Variants in SNRNP25 observed in about 807,000 individuals in gnomAD.
SNRNP25 encodes small nuclear ribonucleoprotein U11/U12 subunit 25, also known as U11/U12 small nuclear ribonucleoprotein 25 kDa protein.
A neutral mutation model predicts 23.9 loss-of-function variants in SNRNP25; 21 were observed. The ratio of observed to expected loss-of-function variants is 0.88; its 90% CI spans 0.62 to 1.27. SNRNP25 has a LOEUF of 1.27. Among genes scored for constraint, SNRNP25 ranks in the 50% most tolerant of loss-of-function variants. The pLI, the probability that SNRNP25 is intolerant of heterozygous loss-of-function variation, is 0.00. For missense variants in SNRNP25, 160 were observed against 156.9 expected (o/e 1.02, Z -0.11); for synonymous variants, 63 against 60.4 (o/e 1.04, Z -0.20).
chr16:55,257 T>A (rs535430670), intron 1 of SNRNP25: 1 of 532,206 alleles, frequency 1.9e-6, no homozygotes, highest in Non-Finnish European at 3.4e-6. Flanking sequence ...AGAGACTCTG[T>A]CCACTATGGA....
chr16:54,539 C>T (rs986330401), intron 1 of SNRNP25, among the ~76,000 whole-genome samples: 1 of 151,972 alleles, frequency 6.6e-6, no homozygotes, highest in Non-Finnish European at 1.5e-5. Flanking sequence ...GTGAGCCACC[C>T]GCCTGGCCTG....
chr16:55,586 C>T, intron 2 of SNRNP25, 37 bp downstream of exon 2: 3 of 1,607,398 alleles, frequency 1.9e-6, no homozygotes, highest in Non-Finnish European at 2.6e-6. Context: ...TTATGTGGTC[C>T]AGGCTTTCAC....
chr16:56,657 G>C, intron 4 of SNRNP25, 44 bp downstream of exon 4: 1 of 1,603,208 alleles, frequency 6.2e-7, no homozygotes, highest in Non-Finnish European at 8.5e-7. Flanking sequence ...CCGCTGTTCT[G>C]TTGCCCCTTA....
chr16:56,227 A>G, intron 3 of SNRNP25: 2 of 683,618 alleles, frequency 2.9e-6, no homozygotes, highest in Non-Finnish European at 5.5e-6. Flanking sequence ...AGGGGCTCCC[A>G]TCCCCTTCTC....
Position 57,245 on chromosome 16 carries a change from T to A in SNRNP25, c.*102T>A. The A allele has an allele frequency of 7.7e-7, 1 of 1,300,024 alleles. No homozygotes were observed. Among genetic ancestry groups the A allele is most frequent in the Non-Finnish European group, 1.1e-6 (1 of 898,562 alleles). 80.5% of individuals were successfully genotyped at this position (1,300,024 alleles called of 1,614,324 possible). On this transcript the variant is annotated 3_prime_UTR_variant, in exon 5 of 5. Transcript: ENST00000293861. ...TGCCTCTTTCACAGAAAGGACGTTG[T>A]GGTGGCCTCACCCCAGGCATGCCCA...
At chr16:56,496 C>A in intron 3 of SNRNP25, 43 bp from the exon 4 acceptor site, 1 of 1,602,624 alleles carries the variant, frequency 6.2e-7, no homozygotes, top group Non-Finnish European at 8.5e-7. Flanking sequence ...ACTCAGCTCA[C>A]CCTGCTCAGG....
chr16:56,410 G>T, intron 3 of SNRNP25, 129 bp from the exon 4 acceptor site: 1 of 852,322 alleles, frequency 1.2e-6, no homozygotes, highest in Non-Finnish European at 2.0e-6. Context: ...ACATTGTACA[G>T]AACAGCCCAG....
chr16:53,853 C>T lies in SNRNP25; in HGVS notation c.-164C>T, dbSNP rs960981853. The stretch of plus-strand genomic sequence containing the variant: ...GCAGTTCCTGCGCGTGCGCGCTTGG[C>T]CTCCCTAGTGCGGGCTGGCAGTGCG... On this transcript the variant is annotated 5_prime_UTR_variant, in exon 1 of 5. Coordinates refer to ENST00000293861, the MANE Select transcript of SNRNP25 (RefSeq NM_024571.4). The T allele has an allele frequency of 8.4e-6, 12 of 1,431,616 alleles. No individual in the cohort carries two copies. The Admixed American group carries it at 1.5e-4, about 18-fold the overall frequency. 88.7% of individuals were successfully genotyped at this position (1,431,616 alleles called of 1,614,324 possible).
intron 1 of SNRNP25, 109 bp from the exon 2 acceptor site, chr16:55,350 C>T: frequency 2.2e-6 from 2 of 928,732 alleles, no homozygotes; most frequent in Non-Finnish European, 3.5e-6. Flanking sequence ...CTTCCTTGCC[C>T]TTCGTAAAAT....
Position 57,112 on chromosome 16 carries a change from T to C in SNRNP25, c.341T>C (p.Val114Ala). Residue 114 changes from valine (V) to alanine (A), a missense_variant, in exon 5 of 5, where the codon GTT (valine) becomes GCT (alanine). By Grantham distance (64) the Val-to-Ala change is moderately conservative. Transcript: ENST00000293861. ...RDYGIRNRDE[V>A]SFIKKLRQK The stretch of plus-strand genomic sequence containing the variant: ...TACGGCATCCGGAATCGAGACGAGG[T>C]TTCCTTCATCAAAAAGCTGAGGCAA... 3 of 1,614,024 alleles carry C rather than the reference T, an allele frequency of 1.9e-6. No individual in the cohort carries two copies. The South Asian group carries it at 3.3e-5, about 18-fold the overall frequency.
In SNRNP25 at chr16:55,853, G is replaced by A; in HGVS notation, c.210G>A (p.Glu70=). The change falls in exon 3 of 5, where the codon GAG becomes GAA. Residue 70 remains glutamate (E), a synonymous_variant. Transcript: ENST00000293861. ...AIQRYVQLKQ[E]REGGIQHISW... ...AGAGATACGTGCAGCTCAAGCAGGA[G>A]CGTGAAGGGGGCATTCAGCACATCA... The A allele has an allele frequency of 6.2e-7, 1 of 1,614,160 alleles. No individual in the cohort carries two copies. Among genetic ancestry groups the A allele is most frequent in the Non-Finnish European group, 8.5e-7 (1 of 1,180,022 alleles).
Position 53,993 on chromosome 16 carries a change from G to C in SNRNP25, c.-24G>C. The C allele has an allele frequency of 6.2e-7, 1 of 1,609,754 alleles. No homozygotes were observed. Among genetic ancestry groups the C allele is most frequent in the South Asian group, 1.1e-5 (1 of 90,168 alleles). ...GGCGCTGCCGCACTCCGAGGCCATGGACGTGTTCCAGGAGGGTCTGGCTAT... is the reference window on the plus strand; with the variant it reads ...GGCGCTGCCGCACTCCGAGGCCATGCACGTGTTCCAGGAGGGTCTGGCTAT... On this transcript the variant is annotated 5_prime_UTR_variant, in exon 1 of 5. Coordinates refer to ENST00000293861, the MANE Select transcript of SNRNP25 (RefSeq NM_024571.4).
rs369807955 is a variant in SNRNP25 at position 56,511 on chromosome 16, G to T, written c.240-28G>T. 1.5e-5 allele frequency: 24 copies of T among 1,612,794 alleles called. No homozygotes were observed. The African/African-American group carries it at 3.1e-4, about 21-fold the overall frequency. ...ACTCAGCTCACCCTGCTCAGGGCAC[G>T]TGGTTTACCTGCATTCCCCTCTTGC... On this transcript the variant is annotated intron_variant, in intron 3 of 4. Coordinates refer to ENST00000293861, the MANE Select transcript of SNRNP25 (RefSeq NM_024571.4).
At chr16:55,585 C>A in intron 2 of SNRNP25, 36 bp downstream of exon 2, 1 of 1,608,694 alleles carries the variant, frequency 6.2e-7, no homozygotes, top group South Asian at 1.1e-5. Flanking sequence ...GTTATGTGGT[C>A]CAGGCTTTCA....
At chr16:54,155 G>A in intron 1 of SNRNP25, 97 bp downstream of exon 1, 2 of 1,380,386 alleles carry the variant, frequency 1.4e-6, no homozygotes, top group Non-Finnish European at 2.0e-6. Flanking sequence ...GGAGACTGCG[G>A]CCCAAGGCTG....
In SNRNP25 at chr16:55,517, TCCGA is replaced by T. The variant is rs769594239; in HGVS notation, c.102_105del (p.Arg35CysfsTer8). ...CTAGAATACGGCCAGGCAATGACGG[TCCGA>T]GTGTGCAAGATGGATGGAGAAGTAA... On this transcript the variant is annotated frameshift_variant, in exon 2 of 5. Transcript: ENST00000293861. LOFTEE classifies it high-confidence loss of function. The T allele has an allele frequency of 6.2e-7, 1 of 1,614,154 alleles. No individual in the cohort carries two copies. Among genetic ancestry groups the T allele is most frequent in the Admixed American group, 1.7e-5 (1 of 60,014 alleles).
intron 3 of SNRNP25, chr16:56,117 T>C (rs923221450): frequency 3.2e-6 from 2 of 620,184 alleles, no homozygotes; most frequent in Non-Finnish European, 5.9e-6. Context: ...TCCATCGGCA[T>C]CACCCCATCC....
At chr16:56,128 G>T in intron 3 of SNRNP25, 1 of 618,140 alleles carries the variant, frequency 1.6e-6, no homozygotes, top group Non-Finnish European at 3.0e-6. Flanking sequence ...CACCCCATCC[G>T]AGCTGCTGGG....
At chr16:55,717 G>A (rs1387295822) in intron 2 of SNRNP25, 60 bp from the exon 3 acceptor site, 26 of 1,590,776 alleles carry the variant, frequency 1.6e-5, no homozygotes, top group African/African-American at 1.2e-4. Context: ...TCCTGCCATC[G>A]GAGGCTGTGG....
Sources: gnomAD v4.1 joint callset for allele counts (sites outside exome capture counted in the v4.1 genomes callset) on GRCh38, gnomAD v4.1.1 for gene constraint, MANE v1.5 for transcripts, NCBI Gene and HGNC (gene_info 2026-07-23, HGNC 2026-07-21) for gene names.